Variants in MARCHF11 observed in about 807,000 individuals in gnomAD.
The protein encoded by MARCHF11 is membrane associated ring-CH-type finger 11, also known as E3 ubiquitin-protein ligase MARCHF11.
MARCHF11 carries 29 observed loss-of-function variants against 37.3 expected under a neutral mutation model. The ratio of observed to expected loss-of-function variants is 0.78; its 90% CI spans 0.58 to 1.06. MARCHF11 has a LOEUF of 1.06. Ranked by LOEUF, MARCHF11 falls within the 50% of genes least tolerant of loss-of-function variation. MARCHF11 has a pLI of 0.00. For synonymous variants in MARCHF11, 233 were observed against 228.0 expected, an observed-to-expected ratio of 1.02 and a Z score of -0.20; for missense variants, 482 against 533.4, an observed-to-expected ratio of 0.90 and a Z score of 0.95.
intron 2 of MARCHF11, among the ~76,000 whole-genome samples, chr5:16,123,822 T>C (rs923504640): frequency 2.7e-4 from 41 of 152,304 alleles, no homozygotes; most frequent in African/African-American, 8.9e-4. Flanking sequence ...ATGTGCTCCC[T>C]TGCTATATTA....
chr5:16,096,819 G>A (rs1024385363), intron 2 of MARCHF11, among the ~76,000 whole-genome samples: 1 of 152,168 alleles, frequency 6.6e-6, no homozygotes, highest in Admixed American at 6.5e-5. Flanking sequence ...TTAGAAAAAG[G>A]TGGACCTTTC....
chr5:16,089,493 T>C (rs1227128636), intron 3 of MARCHF11, among the ~76,000 whole-genome samples: 1 of 152,180 alleles, frequency 6.6e-6, no homozygotes, highest in African/African-American at 2.4e-5. Flanking sequence ...CTTCAGTTTA[T>C]ATATTATTCA....
chr5:16,119,226 G>A (rs1737270889), intron 2 of MARCHF11, among the ~76,000 whole-genome samples: 1 of 151,960 alleles, frequency 6.6e-6, no homozygotes, highest in Admixed American at 6.6e-5. Flanking sequence ...AGCCAGGTGT[G>A]GTGACTCACG....
chr5:16,103,970 A>G (rs1736998569), intron 2 of MARCHF11, among the ~76,000 whole-genome samples: 1 of 152,158 alleles, frequency 6.6e-6, no homozygotes. Context: ...ACCACAGACA[A>G]ATCACCCAGC....
chr5:16,139,564 G>A (rs764653740), intron 2 of MARCHF11, among the ~76,000 whole-genome samples: 8 of 151,930 alleles, frequency 5.3e-5, no homozygotes, highest in Non-Finnish European at 8.8e-5. Flanking sequence ...TACCAGACCA[G>A]TACCAACAAA....
At chr5:16,085,818 T>G (rs1736687785) in intron 3 of MARCHF11, among the ~76,000 whole-genome samples, 1 of 151,426 alleles carries the variant, frequency 6.6e-6, no homozygotes, top group African/African-American at 2.4e-5. Context: ...TGGGCGCCTG[T>G]AGTCCCAGCT....
At chr5:16,105,827 CT>C (rs1210006825) in intron 2 of MARCHF11, among the ~76,000 whole-genome samples, 1 of 152,098 alleles carries the variant, frequency 6.6e-6, no homozygotes, top group Non-Finnish European at 1.5e-5. Context: ...TTTCACTTGC[CT>C]TCCCCATACT....
chr5:16,137,937 T>C (rs1737634296), intron 2 of MARCHF11, among the ~76,000 whole-genome samples: 1 of 152,190 alleles, frequency 6.6e-6, no homozygotes, highest in South Asian at 2.1e-4. Context: ...GCATTCAGTT[T>C]TCTTCTTTCA....
At chr5:16,139,645 T>C (rs560787528) in intron 2 of MARCHF11, among the ~76,000 whole-genome samples, 25 of 152,292 alleles carry the variant, frequency 1.6e-4, no homozygotes, top group Non-Finnish European at 3.5e-4. Context: ...TAAAAAAAGC[T>C]ACTTTAAAAC....
chr5:16,170,753 C>T (rs72740150), intron 2 of MARCHF11, among the ~76,000 whole-genome samples: 2 of 152,238 alleles, frequency 1.3e-5, no homozygotes, highest in Non-Finnish European at 2.9e-5. Context: ...AAACCTGTCC[C>T]GCTCATTGCT....
chr5:16,081,191 T>C (rs1194133916), intron 3 of MARCHF11, among the ~76,000 whole-genome samples: 1 of 152,226 alleles, frequency 6.6e-6, no homozygotes, highest in Non-Finnish European at 1.5e-5. Context: ...ACTTTCAGGC[T>C]ATAATTGCTT....
chr5:16,178,702 T>G (rs1738405906), intron 1 of MARCHF11, among the ~76,000 whole-genome samples: 1 of 152,248 alleles, frequency 6.6e-6, no homozygotes, highest in African/African-American at 2.4e-5. Context: ...CTGACAGGTT[T>G]GCTTCTAAGC....
chr5:16,118,333 G>A (rs1317916844), intron 2 of MARCHF11, among the ~76,000 whole-genome samples: 1 of 152,184 alleles, frequency 6.6e-6, no homozygotes, highest in Non-Finnish European at 1.5e-5. Context: ...CTTCACTGCT[G>A]GATGCAGACT....
chr5:16,076,268 C>CA (rs1403610048), intron 3 of MARCHF11, among the ~76,000 whole-genome samples: 4 of 151,982 alleles, frequency 2.6e-5, no homozygotes, highest in Non-Finnish European at 5.9e-5. Flanking sequence ...TTATATATTA[C>CA]AAAAAATATG....
chr5:16,070,691 C>A (rs1158704316), intron 3 of MARCHF11, among the ~76,000 whole-genome samples: 1 of 152,192 alleles, frequency 6.6e-6, no homozygotes, highest in African/African-American at 2.4e-5. Flanking sequence ...AAACAAATCC[C>A]ACAGGTCTTT....
At chr5:16,168,157 C>T (rs1738201338) in intron 2 of MARCHF11, among the ~76,000 whole-genome samples, 1 of 152,122 alleles carries the variant, frequency 6.6e-6, no homozygotes, top group Admixed American at 6.5e-5. Flanking sequence ...TTTATCATGT[C>T]CAAAATAAAG....
chr5:16,172,239 T>C (rs1738281565), intron 2 of MARCHF11, among the ~76,000 whole-genome samples: 1 of 152,176 alleles, frequency 6.6e-6, no homozygotes, highest in African/African-American at 2.4e-5. Flanking sequence ...CATTCATTTC[T>C]CCTAGTGAGT....
chr5:16,178,538 C>A (rs896500881), intron 1 of MARCHF11, among the ~76,000 whole-genome samples: 23 of 152,300 alleles, frequency 1.5e-4, no homozygotes, highest in Non-Finnish European at 2.6e-4. Flanking sequence ...TTTCAAAGTC[C>A]ATTCCTATTT....
At chr5:16,087,962 A>C (rs149336480) in intron 3 of MARCHF11, among the ~76,000 whole-genome samples, 75 of 152,320 alleles carry the variant, frequency 4.9e-4, no homozygotes, top group African/African-American at 1.7e-3. Context: ...TTTTCAAATA[A>C]TATTTATGAA....
Sources: allele counts gnomAD v4.1 joint callset (sites outside exome capture counted in the v4.1 genomes callset), GRCh38; gene constraint gnomAD v4.1.1; transcripts MANE v1.5; gene names NCBI Gene and HGNC (gene_info 2026-07-23, HGNC 2026-07-21).